Variants in HSD17B14 observed in about 807,000 individuals in gnomAD.
The protein encoded by HSD17B14 is L-fucose dehydrogenase.
In HSD17B14, 32 loss-of-function variants were observed where a neutral mutation model predicts 32.2. The observed-to-expected ratio is 0.99, with a 90% confidence interval of 0.75 to 1.33. The LOEUF (loss-of-function observed/expected upper bound fraction) is 1.33, where lower values mean the gene tolerates loss of function less well. HSD17B14 is among the 40% of genes most tolerant of loss of function. The pLI is 0.00. For missense variants in HSD17B14, 370 were observed against 366.5 expected, an observed-to-expected ratio of 1.01 and a Z score of -0.08; for synonymous variants, 140 against 155.4, an observed-to-expected ratio of 0.90 and a Z score of 0.74.
rs752541751 is a variant in HSD17B14, at chr19:48,813,218, GC to G, written c.769del (p.Ala257ProfsTer26). The G allele has an allele frequency of 3.1e-6, 5 of 1,611,128 alleles. No individual in the cohort carries two copies. In the South Asian group the frequency reaches 5.5e-5, roughly 18 times the overall value. Reference sequence around the variant, plus strand: ...GGCGTCCACGGGGGTGCTCCGACTGGCCTTGCACCCGTACCCCAGCTCTGCA... The same window carrying G: ...GGCGTCCACGGGGGTGCTCCGACTGGCTTGCACCCGTACCCCAGCTCTGCA... ...GGAELGYGCK[A>X]SRSTPVDAPD... On this transcript the variant is annotated frameshift_variant, in exon 9 of 9. Transcript: ENST00000263278. LOFTEE classifies it low-confidence loss of function (END_TRUNC).
chr19:48,825,768 T>G (rs1021759732), intron 5 of HSD17B14, among the ~76,000 whole-genome samples: 3 of 152,070 alleles, frequency 2.0e-5, no homozygotes, highest in Non-Finnish European at 4.4e-5. Context: ...ACAAGCCACT[T>G]GTTATTTCTG....
chr19:48,821,750 ATGG>A (rs1334822641), intron 5 of HSD17B14, among the ~76,000 whole-genome samples: 6 of 145,926 alleles, frequency 4.1e-5, no homozygotes, highest in African/African-American at 1.2e-4. Context: ...GATGGTGAGG[ATGG>A]TGATGAGGAT....
intron 2 of HSD17B14, 32 bp from the exon 3 acceptor site, chr19:48,834,390 C>T (rs114122193): frequency 0.071 from 95,979 of 1,354,880 alleles, 4,820 homozygotes; most frequent in African/African-American, 0.13. Context: ...GAGCCTGGAC[C>T]CCTGGGTCTC....
chr19:48,822,611 G>T (rs1288256584), intron 5 of HSD17B14, among the ~76,000 whole-genome samples: 1 of 151,814 alleles, frequency 6.6e-6, no homozygotes, highest in Admixed American at 6.6e-5. Flanking sequence ...TGATGGTGAT[G>T]ATTGTGGTAA....
At chr19:48,821,853 T>G (rs1167450929) in intron 5 of HSD17B14, among the ~76,000 whole-genome samples, 1 of 151,948 alleles carries the variant, frequency 6.6e-6, no homozygotes, top group Non-Finnish European at 1.5e-5. Context: ...GTGAGGATGA[T>G]GATGATAATG....
chr19:48,825,068 T>A (rs1014900059), intron 5 of HSD17B14, among the ~76,000 whole-genome samples: 5 of 151,520 alleles, frequency 3.3e-5, no homozygotes, highest in African/African-American at 9.7e-5. Flanking sequence ...TGAAACCTCA[T>A]CTCTACTAAA....
At chr19:48,830,933 G>A (rs2035326457) in intron 5 of HSD17B14, among the ~76,000 whole-genome samples, 1 of 151,680 alleles carries the variant, frequency 6.6e-6, no homozygotes, top group African/African-American at 2.4e-5. Context: ...TGACTTCCTG[G>A]GCTCAAACGA....
chr19:48,821,979 G>A (rs1444629233), intron 5 of HSD17B14, among the ~76,000 whole-genome samples: 1 of 144,996 alleles, frequency 6.9e-6, no homozygotes, highest in African/African-American at 2.6e-5. Context: ...TGATGGTGAT[G>A]ATTGTGGTAA....
intron 7 of HSD17B14, 38 bp downstream of exon 7, chr19:48,813,625 C>A (rs748333829): frequency 6.2e-7 from 1 of 1,612,752 alleles, no homozygotes. Context: ...TCACCCCAGT[C>A]CCCCCAGGAG....
Position 48,813,118 on chromosome 19 carries a change from T to G in HSD17B14, c.*57A>C. Reference sequence around the variant, plus strand: ...GCTTGGGGGCTGCATCTGATACAGGTTGGAGTTTGGGGTGGGAGAGTCCTA... The same window carrying G: ...GCTTGGGGGCTGCATCTGATACAGGGTGGAGTTTGGGGTGGGAGAGTCCTA... On this transcript the variant is annotated 3_prime_UTR_variant, in exon 9 of 9. Transcript: ENST00000263278. 8.3e-7 allele frequency: 1 copy of G among 1,201,316 alleles called. No individual in the cohort carries two copies. Among genetic ancestry groups the G allele is most frequent in the Non-Finnish European group, 1.2e-6 (1 of 847,084 alleles). The allele number at this position is 1,201,316 out of a possible 1,614,324, so 74.4% of individuals were successfully genotyped here.
At chr19:48,824,913 G>A (rs923618847) in intron 5 of HSD17B14, among the ~76,000 whole-genome samples, 1 of 152,056 alleles carries the variant, frequency 6.6e-6, no homozygotes, top group African/African-American at 2.4e-5. Flanking sequence ...CTAATACACT[G>A]GTGGTATGGT....
intron 5 of HSD17B14, among the ~76,000 whole-genome samples, chr19:48,824,349 T>G (rs147552589): frequency 2.1e-4 from 30 of 140,970 alleles, no homozygotes; most frequent in African/African-American, 8.1e-4. Flanking sequence ...GGTGGGAGGA[T>G]CCCTTGAGCC....
chr19:48,833,755 G>C (rs531875905), intron 3 of HSD17B14, among the ~76,000 whole-genome samples: 1 of 151,694 alleles, frequency 6.6e-6, no homozygotes, highest in East Asian at 1.9e-4. Flanking sequence ...GAAGCTGGGA[G>C]GCAGAGGTTG....
In HSD17B14 at chr19:48,832,079, G is replaced by GAAA. The variant is rs71294393; in HGVS notation, c.278-323_278-321dup. 1.4e-3 allele frequency among the ~76,000 whole-genome samples: 84 copies of GAAA among 60,072 alleles called. 2 individuals are homozygous for GAAA. Among genetic ancestry groups the GAAA allele is most frequent in the East Asian group, 1.9e-3 (4 of 2,082 alleles). The allele number at this position is 60,072 out of a possible 152,430, so 39.4% of individuals were successfully genotyped here. A position where few individuals can be genotyped will look rare whatever the true frequency, so the allele number is the denominator to read the frequency against. On this transcript the variant is annotated intron_variant, in intron 4 of 8. Coordinates refer to ENST00000263278, the MANE Select transcript of HSD17B14 (RefSeq NM_016246.3). The stretch of plus-strand genomic sequence containing the variant: ...GGCGACAGAGTGAGACCCCATCTCA[G>GAAA]AAAAAAAAAAAAAAAAAAAGCCGGG...
At chr19:48,831,886 T>C (rs2035343098) in intron 4 of HSD17B14, 127 bp from the exon 5 acceptor site, 4 of 618,610 alleles carry the variant, frequency 6.5e-6, no homozygotes, top group Non-Finnish European at 1.2e-5. Flanking sequence ...AAGACCAACC[T>C]GGCTGACAGG....
At chr19:48,816,779 T>TTTTCTTTCTTTCTTTCTTTCTTTC (rs368394306) in intron 5 of HSD17B14, among the ~76,000 whole-genome samples, 12,372 of 121,886 alleles carry the variant, frequency 0.1, 916 homozygotes, top group Middle Eastern at 0.13. Context: ...GCAAGACCCT[T>TTTTCTTTCTTTCTTTCTTTCTTTC]TTTCTTTCTT....
chr19:48,827,561 A>G lies in HSD17B14; in HGVS notation c.369+4107T>C, dbSNP rs180741323. ...TCTTCTCCTTCGTTTTTTTTTAGAT[A>G]GAGTCTTGCTCTGTTGCCCAGGCTG... On this transcript the variant is annotated intron_variant, in intron 5 of 8. Transcript: ENST00000263278. Among the ~76,000 whole-genome samples the G allele has an allele frequency of 5.3e-3, 800 of 149,848 alleles. 7 individuals carry two copies. The highest frequency in any genetic ancestry group is 0.036 in the Middle Eastern group (10 of 278).
intron 5 of HSD17B14, among the ~76,000 whole-genome samples, chr19:48,827,045 CTTT>C (rs770386507): frequency 1.4e-5 from 2 of 143,326 alleles, no homozygotes; most frequent in African/African-American, 5.1e-5. Context: ...TAAAACCCCA[CTTT>C]TTTTTTTTTT....
intron 5 of HSD17B14, among the ~76,000 whole-genome samples, chr19:48,825,538 T>A (rs2035229719): frequency 6.6e-6 from 1 of 152,058 alleles, no homozygotes. Context: ...CTTGAGCTCC[T>A]GAGCTCAAGT....
Sources: allele counts gnomAD v4.1 joint callset (sites outside exome capture counted in the v4.1 genomes callset), GRCh38; gene constraint gnomAD v4.1.1; transcripts MANE v1.5; gene names NCBI Gene and HGNC (gene_info 2026-07-23, HGNC 2026-07-21).